The following BMI1 variants were observed in gnomAD, a reference collection of about 807,000 sequenced individuals.
The protein encoded by BMI1 is polycomb complex protein BMI-1.
BMI1 carries 9 observed loss-of-function variants against 39.1 expected under a neutral mutation model. The observed-to-expected ratio is 0.23, with a 90% CI of 0.14 to 0.40. The LOEUF (loss-of-function observed/expected upper bound fraction) is 0.40. Ranked by LOEUF, BMI1 falls within the 10% of genes least tolerant of loss-of-function variation. The probability of loss-of-function intolerance (pLI) is 1.00; values close to 1 mark genes in which losing one functional copy is unlikely to be tolerated. For missense variants in BMI1, 252 were observed against 390.8 expected (o/e 0.64, Z 2.99); for synonymous variants, 131 against 127.9 (o/e 1.02, Z -0.16).
In BMI1 at chr10:22,329,132, A is replaced by G; in HGVS notation, c.651+4A>G. The G allele has an allele frequency of 6.2e-7, 1 of 1,612,308 alleles. No individual in the cohort carries two copies. The highest frequency in any genetic ancestry group is 1.1e-5 in the South Asian group (1 of 90,542). ...CTACATTTATACCTGGAGAAGGGTAAGTAGCATATCTGTTGTTAGATTATG... is the reference window on the plus strand; with the variant it reads ...CTACATTTATACCTGGAGAAGGGTAGGTAGCATATCTGTTGTTAGATTATG... On this transcript the variant is annotated splice_donor_region_variant and intron_variant, in intron 9 of 9. Coordinates refer to ENST00000376663, the MANE Select transcript of BMI1 (RefSeq NM_005180.9).
chr10:22,325,032 G>T (rs1836098186), intron 1 of BMI1, among the ~76,000 whole-genome samples: 1 of 152,192 alleles, frequency 6.6e-6, no homozygotes, highest in African/African-American at 2.4e-5. Flanking sequence ...ACATGGTTCT[G>T]TACATATTGT....
chr10:22,321,923 G>GCCCGCCGACT (rs990618902), intron 1 of BMI1, among the ~76,000 whole-genome samples: 1 of 144,488 alleles, frequency 6.9e-6, no homozygotes, highest in Non-Finnish European at 1.5e-5. Context: ...GCCCGCCGCC[G>GCCCGCCGACT]CCCGCCGACT....
At chr10:22,325,719 A>T (rs925829752) in intron 1 of BMI1, 1 of 150,578 alleles carries the variant, frequency 6.6e-6, no homozygotes, top group Non-Finnish European at 1.5e-5. Context: ...GCCGGATGCC[A>T]AGTGTAAGTG....
intron 1 of BMI1, 80 bp from the exon 2 acceptor site, chr10:22,326,351 C>A: frequency 6.4e-7 from 1 of 1,564,156 alleles, no homozygotes. Flanking sequence ...TTTATAAATT[C>A]AGTGTTTCAG....
chr10:22,326,214 C>T (rs1174718916), intron 1 of BMI1: 1 of 524,658 alleles, frequency 1.9e-6, no homozygotes, highest in Non-Finnish European at 3.3e-6. Flanking sequence ...CAGGAATGAT[C>T]TGAGAGACCA....
chr10:22,322,855 T>G (rs1474942636), intron 1 of BMI1, among the ~76,000 whole-genome samples: 1 of 152,234 alleles, frequency 6.6e-6, no homozygotes, highest in Non-Finnish European at 1.5e-5. Flanking sequence ...TGATATGGCA[T>G]GATCTTTTTC....
In BMI1 at chr10:22,328,178, AG is replaced by A; in HGVS notation, c.471+1del. ...AAAGACAAAGAGAAATCTAAGGAGG[AG>A]GTATGTTTCATGTTACAAAAACATA... The part of the protein sequence containing the change: ...VNKDKEKSKE[E>X]VNDKRYLRCP... On this transcript the variant is annotated frameshift_variant and splice_region_variant, in exon 7 of 10. Transcript: ENST00000376663. LOFTEE classifies it high-confidence loss of function. 1 of 1,598,638 alleles carries A rather than the reference AG, an allele frequency of 6.3e-7. No homozygotes were observed. Among genetic ancestry groups the A allele is most frequent in the Non-Finnish European group, 8.5e-7 (1 of 1,175,796 alleles).
intron 1 of BMI1, 108 bp from the exon 2 acceptor site, chr10:22,326,323 G>T (rs1836149807): frequency 2.1e-6 from 3 of 1,460,716 alleles, no homozygotes; most frequent in Non-Finnish European, 2.8e-6. Flanking sequence ...CAGCCCAGCT[G>T]TACAGTGTTA....
At position 22,331,189 on chromosome 10, in the gene BMI1, A is replaced by G. The variant is rs1836274591; in HGVS notation, c.*1647A>G. The G allele has an allele frequency of 2.0e-5, 3 of 152,656 alleles. No homozygotes were observed. Among genetic ancestry groups the G allele is most frequent in the South Asian group, 4.1e-4 (2 of 4,830 alleles). 9.5% of individuals were successfully genotyped at this position (152,656 alleles called of 1,614,324 possible). A position where few individuals can be genotyped will look rare whatever the true frequency, so the allele number is the denominator to read the frequency against. On this transcript the variant is annotated 3_prime_UTR_variant, in exon 10 of 10. Transcript: ENST00000376663. ...AGTCCCATTGTAAGTGTTGTTTCTA[A>G]TTATAGATGTAAAATGAAATTTCAT...
intron 6 of BMI1, 34 bp from the exon 7 acceptor site, chr10:22,328,100 A>T (rs1278531014): frequency 6.3e-7 from 1 of 1,593,778 alleles, no homozygotes; most frequent in Non-Finnish European, 8.5e-7. Flanking sequence ...ATGTTTTATT[A>T]GATTGTTTCA....
At chr10:22,323,985 TTG>T (rs1487907973) in intron 1 of BMI1, among the ~76,000 whole-genome samples, 2 of 152,206 alleles carry the variant, frequency 1.3e-5, no homozygotes, top group Non-Finnish European at 1.5e-5. Context: ...GGTCACAGGA[TTG>T]TGGCCAAATT....
chr10:22,327,894 A>G, intron 5 of BMI1, 56 bp from the exon 6 acceptor site: 4 of 1,581,342 alleles, frequency 2.5e-6, no homozygotes, highest in Non-Finnish European at 8.6e-7. Flanking sequence ...CCTCTTATAT[A>G]TAAAATTTAT....
Position 22,329,615 on chromosome 10 carries a change from C to G in BMI1, c.*73C>G. On this transcript the variant is annotated 3_prime_UTR_variant, in exon 10 of 10. Coordinates refer to ENST00000376663, the MANE Select transcript of BMI1 (RefSeq NM_005180.9). ...GATATCTTCATGCCATTACAGCTTT[C>G]TAGATGCTAATACATGTGACTATCG... 1 of 1,503,796 alleles carries G rather than the reference C, an allele frequency of 6.6e-7. No homozygotes were observed. Among genetic ancestry groups the G allele is most frequent in the Non-Finnish European group, 8.9e-7 (1 of 1,118,172 alleles). 93.2% of individuals were successfully genotyped at this position (1,503,796 alleles called of 1,614,324 possible). A position where few individuals can be genotyped will look rare whatever the true frequency, so the allele number is the denominator to read the frequency against.
chr10:22,327,772 C>T lies in BMI1; in HGVS notation c.296C>T (p.Ala99Val), dbSNP rs1836192113. 6.2e-7 allele frequency: 1 copy of T among 1,613,214 alleles called. No homozygotes were observed. The highest frequency in any genetic ancestry group is 1.1e-5 in the South Asian group (1 of 91,058). The change falls in exon 5 of 10, where the codon GCA (alanine) becomes GTA (valine). Residue 99 changes from alanine to valine, a missense_variant. By Grantham distance (64) the Ala-to-Val change is moderately conservative (BLOSUM62 0). Coordinates refer to ENST00000376663, the MANE Select transcript of BMI1 (RefSeq NM_005180.9). The part of the protein sequence containing the change: ...NEMKRRRDFY[A>V]AHPSADAANG... Reference sequence around the variant, plus strand: ...ATGAAGAGAAGAAGGGATTTTTATGCAGCTCATCCTTCTGCTGATGGTAAA... The same window carrying T: ...ATGAAGAGAAGAAGGGATTTTTATGTAGCTCATCCTTCTGCTGATGGTAAA...
Position 22,328,601 on chromosome 10 carries a change from T to C in BMI1, c.473T>C (p.Val158Ala), listed in dbSNP as rs1326897789. 1.3e-6 allele frequency: 2 copies of C among 1,590,546 alleles called. No homozygotes were observed. Among genetic ancestry groups the C allele is most frequent in the Admixed American group, 1.9e-5 (1 of 53,980 alleles). The change falls in exon 8 of 10, where the codon GTG (valine) becomes GCG (alanine). Residue 158 changes from valine to alanine, a missense_variant and splice_region_variant. By Grantham distance (64) the Val-to-Ala change is moderately conservative (BLOSUM62 0). Around this residue, in one of 4 missense-constraint regions of BMI1, gnomAD observed 67 missense variants for 69.9 expected, o/e 0.96. Transcript: ENST00000376663. ...TTACTTTTCTAAATGTACTTTTAGG[T>C]GAATGATAAAAGATACTTACGATGC... ...NKDKEKSKEE[V>A]NDKRYLRCPA...
chr10:22,321,893 C>T (rs1399568107), intron 1 of BMI1, among the ~76,000 whole-genome samples, 197 bp downstream of exon 1: 1 of 143,550 alleles, frequency 7.0e-6, no homozygotes, highest in Admixed American at 6.9e-5. Flanking sequence ...GCGCCGCCCT[C>T]CCCGCGCCCG....
intron 1 of BMI1, among the ~76,000 whole-genome samples, chr10:22,323,605 T>G (rs1001221720): frequency 2.0e-5 from 3 of 152,246 alleles, no homozygotes; most frequent in Non-Finnish European, 2.9e-5. Context: ...TTTGCATTTC[T>G]TAGATTGCAG....
At chr10:22,326,728 G>T in intron 2 of BMI1, 162 bp from the exon 3 acceptor site, 1 of 1,302,324 alleles carries the variant, frequency 7.7e-7, no homozygotes, top group Non-Finnish European at 1.0e-6. Context: ...TGTATTGATT[G>T]TATTACAAGC....
chr10:22,325,327 T>G (rs1178087642), intron 1 of BMI1, among the ~76,000 whole-genome samples: 1 of 152,128 alleles, frequency 6.6e-6, no homozygotes, highest in Non-Finnish European at 1.5e-5. Context: ...TCTGACCGAG[T>G]GATTGCAGAC....
Sources: allele counts gnomAD v4.1 joint callset (sites outside exome capture counted in the v4.1 genomes callset), GRCh38; gene constraint gnomAD v4.1.1; regional missense constraint gnomAD v4.1.1; transcripts MANE v1.5; gene names NCBI Gene and HGNC (gene_info 2026-07-23, HGNC 2026-07-21).